Variants in SLC14A2 observed in about 807,000 individuals in gnomAD.
SLC14A2 encodes solute carrier family 14 member 2.
Under a neutral mutation model 104.6 loss-of-function variants are expected in SLC14A2, and 91 were observed. The observed-to-expected ratio is 0.87, with a 90% CI of 0.73 to 1.04. SLC14A2 has a LOEUF of 1.04. Ranked by LOEUF, SLC14A2 falls within the 50% of genes least tolerant of loss-of-function variation. The pLI, the probability that SLC14A2 is intolerant of heterozygous loss-of-function variation, is 0.00. For synonymous variants in SLC14A2, 476 were observed against 466.4 expected (o/e 1.02, Z -0.27); for missense variants, 1,189 against 1,156.0 (o/e 1.03, Z -0.41).
At chr18:45,268,653 C>T (rs917554489) in intron 1 of SLC14A2, among the ~76,000 whole-genome samples, 2 of 152,176 alleles carry the variant, frequency 1.3e-5, no homozygotes, top group East Asian at 1.9e-4. Context: ...CAATTATGAA[C>T]AGCTATGGTC....
rs2084253350 is a variant in SLC14A2, at chr18:45,236,532, TATATATAC to T, written c.-125+23344_-125+23351del. ...ATGTGTGTATATATGTGTATATATG[TATATATAC>T]ATGTATGTGTGTATATATGTGTATA... On this transcript the variant is annotated intron_variant, in intron 1 of 20. Coordinates refer to the SLC14A2 transcript ENST00000586448. Among the ~76,000 whole-genome samples, 2 of 124,776 alleles carry T rather than the reference TATATATAC, an allele frequency of 1.6e-5. 1 individual carries two copies. Among genetic ancestry groups the T allele is most frequent in the Non-Finnish European group, 3.3e-5 (2 of 59,860 alleles). The allele number at this position is 124,776 out of a possible 152,430, so 81.9% of individuals were successfully genotyped here.
At chr18:45,548,547 TA>T (rs1372608857) in intron 2 of SLC14A2, among the ~76,000 whole-genome samples, 1 of 151,854 alleles carries the variant, frequency 6.6e-6, no homozygotes. Context: ...CTACAAAAAA[TA>T]AAAAAATTAG....
At chr18:45,554,355 T>C (rs1056688460) in intron 2 of SLC14A2, among the ~76,000 whole-genome samples, 4 of 152,216 alleles carry the variant, frequency 2.6e-5, no homozygotes, top group Non-Finnish European at 4.4e-5. Flanking sequence ...TGCCACTCTG[T>C]TGACCTTTCA....
At chr18:45,350,278 A>G (rs749819984) in intron 1 of SLC14A2, among the ~76,000 whole-genome samples, 1 of 152,244 alleles carries the variant, frequency 6.6e-6, no homozygotes, top group African/African-American at 2.4e-5. Context: ...TCAGAATCAC[A>G]ATGCATTACT....
At chr18:45,187,482 C>T in the SLC14A2 span, among the ~76,000 whole-genome samples, 1 of 152,146 alleles carries the variant, frequency 6.6e-6, no homozygotes, top group Admixed American at 6.5e-5. Flanking sequence ...AAATTGCAAA[C>T]TATGATATAT....
intron 2 of SLC14A2, among the ~76,000 whole-genome samples, chr18:45,558,426 A>G (rs1179182414): frequency 6.6e-6 from 1 of 152,222 alleles, no homozygotes; most frequent in African/African-American, 2.4e-5. Context: ...GATGGAAATG[A>G]GAGAGGAATG....
intron 10 of SLC14A2, chr18:45,647,103 T>A (rs1487661835): frequency 6.6e-6 from 1 of 152,236 alleles, no homozygotes; most frequent in Non-Finnish European, 1.5e-5. Context: ...CATCTTTATC[T>A]CCTCTCATAC....
intron 1 of SLC14A2, among the ~76,000 whole-genome samples, chr18:45,259,484 G>C (rs1230882438): frequency 1.3e-5 from 2 of 152,268 alleles, no homozygotes; most frequent in Non-Finnish European, 2.9e-5. Context: ...GATAGCTACA[G>C]ACTCAGGATT....
chr18:45,444,332 C>T (rs542095419), intron 1 of SLC14A2, among the ~76,000 whole-genome samples: 9 of 152,232 alleles, frequency 5.9e-5, no homozygotes, highest in Non-Finnish European at 1.2e-4. Flanking sequence ...CTACCTTCTC[C>T]CTGTGGACCC....
chr18:45,454,485 C>T (rs1212760753), intron 1 of SLC14A2, among the ~76,000 whole-genome samples: 1 of 152,148 alleles, frequency 6.6e-6, no homozygotes, highest in Non-Finnish European at 1.5e-5. Flanking sequence ...GTTTCTTTTG[C>T]TATGCAAAAG....
At chr18:45,209,503 C>A (rs140127440), upstream of SLC14A2, among the ~76,000 whole-genome samples, 14 of 151,338 alleles carry the variant, frequency 9.3e-5, no homozygotes, top group Non-Finnish European at 1.9e-4. Flanking sequence ...GAGAATGCTG[C>A]ATTTTCTGAA....
At position 45,578,990 on chromosome 18, in the gene SLC14A2, A is replaced by G. The variant is rs372988713; in HGVS notation, c.-34-45641A>G. Among the ~76,000 whole-genome samples, 57 of 152,278 alleles carry G rather than the reference A, an allele frequency of 3.7e-4. 1 individual carries two copies. In the South Asian group the frequency reaches 0.011, roughly 28 times the overall value. ...AGGATCAGAGGTCTTGGCTGTGATG[A>G]ATCAGCTGACTCAGCTCTGCTCCAT... On this transcript the variant is annotated intron_variant, in intron 2 of 20. Transcript: ENST00000586448.
the SLC14A2 span, among the ~76,000 whole-genome samples, chr18:45,178,848 A>G: frequency 6.6e-6 from 1 of 152,200 alleles, no homozygotes; most frequent in African/African-American, 2.4e-5. Context: ...CTGTGTTCCT[A>G]GTTACCATGA....
intron 8 of SLC14A2, among the ~76,000 whole-genome samples, chr18:45,642,440 G>A (rs184495635): frequency 4.7e-4 from 72 of 152,338 alleles, no homozygotes; most frequent in Non-Finnish European, 8.7e-4. Flanking sequence ...TACAGGGGGA[G>A]GCTAGGGTTT....
At chr18:45,601,529 T>C (rs1410069681) in intron 2 of SLC14A2, among the ~76,000 whole-genome samples, 1 of 152,224 alleles carries the variant, frequency 6.6e-6, no homozygotes, top group Non-Finnish European at 1.5e-5. Flanking sequence ...AGCTATAATA[T>C]TTTCTGGGTC....
At chr18:45,543,863 A>G (rs565061626) in intron 2 of SLC14A2, among the ~76,000 whole-genome samples, 1 of 152,318 alleles carries the variant, frequency 6.6e-6, no homozygotes, top group Non-Finnish European at 1.5e-5. Flanking sequence ...AACTGTACAA[A>G]CCACGTGGTT....
chr18:45,509,854 G>A (rs541945512), intron 2 of SLC14A2, among the ~76,000 whole-genome samples: 35 of 152,312 alleles, frequency 2.3e-4, no homozygotes, highest in African/African-American at 6.3e-4. Context: ...TGTAGGTCAC[G>A]GACTGGACCT....
chr18:45,277,430 T>C (rs1191223457), intron 1 of SLC14A2, among the ~76,000 whole-genome samples: 1 of 152,194 alleles, frequency 6.6e-6, no homozygotes, highest in African/African-American at 2.4e-5. Flanking sequence ...TTTTTTTCTT[T>C]TTTTTAGAAA....
intron 1 of SLC14A2, among the ~76,000 whole-genome samples, chr18:45,321,609 A>C (rs564540906): frequency 2.6e-5 from 4 of 152,156 alleles, no homozygotes; most frequent in Non-Finnish European, 5.9e-5. Context: ...GAGTCCCTAT[A>C]AACAGCAGTC....
Sources: gnomAD v4.1 joint callset for allele counts (sites outside exome capture counted in the v4.1 genomes callset) on GRCh38, gnomAD v4.1.1 for gene constraint, MANE v1.5 for transcripts, NCBI Gene and HGNC (gene_info 2026-07-23, HGNC 2026-07-21) for gene names.